The following NSL1 variants were observed in gnomAD, a reference collection of about 807,000 sequenced individuals.
NSL1 encodes the protein NSL1 component of MIS12 kinetochore complex.
NSL1 carries 11 observed loss-of-function variants against 25.4 expected under a neutral mutation model. That is an observed-to-expected ratio of 0.43 (90% CI 0.27 to 0.72). The LOEUF (loss-of-function observed/expected upper bound fraction) is 0.72, where lower values mean the gene tolerates loss of function less well. NSL1 is among the 30% of genes least tolerant of loss of function. NSL1 has a pLI of 0.19. For missense variants in NSL1, 330 were observed against 342.7 expected, an observed-to-expected ratio of 0.96 and a Z score of 0.29; for synonymous variants, 118 against 120.6, an observed-to-expected ratio of 0.98 and a Z score of 0.14.
chr1:212,738,613 T>C lies in NSL1; in HGVS notation c.641A>G (p.Gln214Arg), dbSNP rs774353745. 1 of 1,614,164 alleles carries C rather than the reference T, an allele frequency of 6.2e-7. No homozygotes were observed. ...GGAAAAGACTTCTTGGTGAATCCTC[T>C]GGAGGTGGATAACAGGCTGCATCCT... is the stretch of plus-strand genomic sequence containing the variant. ...VLRMQPVIHL[Q>R]RIHQEVFSSC... The change falls in exon 6 of 6, where the codon CAG becomes CGG. Residue 214 changes from glutamine to arginine, a missense_variant. Coordinates refer to ENST00000366977, the MANE Select transcript of NSL1 (RefSeq NM_015471.4).
chr1:212,732,027 A>AT lies in NSL1; in HGVS notation c.*6380_*6381insA. On this transcript the variant is annotated 3_prime_UTR_variant, in exon 6 of 6. Coordinates refer to ENST00000366977, the MANE Select transcript of NSL1 (RefSeq NM_015471.4). Reference sequence around the variant, plus strand: ...TTTAGCCTCCCAGTGTAACTGTCCCAATTTTTTTTTTTTTTTTTTACTGAA... The same window carrying AT: ...TTTAGCCTCCCAGTGTAACTGTCCCATATTTTTTTTTTTTTTTTTTACTGAA... 2 of 918,680 alleles carry AT rather than the reference A, an allele frequency of 2.2e-6. No individual in the cohort carries two copies. Among genetic ancestry groups the AT allele is most frequent in the Non-Finnish European group, 2.5e-6 (2 of 794,862 alleles). 56.9% of individuals were successfully genotyped at this position (918,680 alleles called of 1,614,324 possible). A position where few individuals can be genotyped will look rare whatever the true frequency, so the allele number is the denominator to read the frequency against.
chr1:212,791,598 A>C lies in NSL1; in HGVS notation c.166T>G (p.Phe56Val), dbSNP rs749368725. The change falls in exon 1 of 6, where the codon TTC becomes GTC. Residue 56 changes from phenylalanine (F) to valine (V), a missense_variant. Physicochemically the swap from Phe to Val is conservative, Grantham distance 50. Transcript: ENST00000366977. ...VTEMLQLCGR[F>V]VQKLGDALPE... Reference sequence around the variant, plus strand: ...AGAGCGTCCCCGAGCTTTTGCACGAAGCGGCCGCACAGTTGTAGCATTTCG... The same window carrying C: ...AGAGCGTCCCCGAGCTTTTGCACGACGCGGCCGCACAGTTGTAGCATTTCG... 1.3e-5 allele frequency: 21 copies of C among 1,613,750 alleles called. No individual in the cohort carries two copies. Among genetic ancestry groups the C allele is most frequent in the Non-Finnish European group, 1.8e-5 (21 of 1,180,034 alleles).
intron 4 of NSL1, chr1:212,781,942 T>C: frequency 2.5e-6 from 1 of 395,176 alleles, no homozygotes; most frequent in Admixed American, 3.0e-5. Flanking sequence ...TTATTTCTTC[T>C]TAAATTCAAT....
In NSL1 at chr1:212,729,512, G is replaced by A. The variant is rs1179166968; in HGVS notation, c.*8896C>T. ...GAGGCTCTGGAGCTGGGGTGTATGG[G>A]ACCTGGAGCAGGGGTGCCCTACAAC... On this transcript the variant is annotated 3_prime_UTR_variant, in exon 6 of 6. Coordinates refer to ENST00000366977, the MANE Select transcript of NSL1 (RefSeq NM_015471.4). 1.1e-5 allele frequency: 11 copies of A among 985,272 alleles called. No individual in the cohort carries two copies. Among genetic ancestry groups the A allele is most frequent in the African/African-American group, 3.5e-5 (2 of 57,224 alleles). The allele number at this position is 985,272 out of a possible 1,614,324, so 61.0% of individuals were successfully genotyped here. A position where few individuals can be genotyped will look rare whatever the true frequency, so the allele number is the denominator to read the frequency against.
At chr1:212,767,572 G>A (rs1463242076) in intron 4 of NSL1, among the ~76,000 whole-genome samples, 1 of 152,022 alleles carries the variant, frequency 6.6e-6, no homozygotes, top group African/African-American at 2.4e-5. Context: ...AAATAAATGG[G>A]ACCTAATTAA....
rs140675222 is a variant in NSL1, at chr1:212,733,433, C to CAAAA, written c.*4971_*4974dup. ...GGCAACACAGCAAGACCTTGTTTCACAAAAAAAAAAAAAAAAAAATCCCAT... is the reference window on the plus strand; with the variant it reads ...GGCAACACAGCAAGACCTTGTTTCACAAAAAAAAAAAAAAAAAAAAAAATCCCAT... On this transcript the variant is annotated 3_prime_UTR_variant, in exon 6 of 6. Transcript: ENST00000366977. Among the ~76,000 whole-genome samples, 1 of 135,898 alleles carries CAAAA rather than the reference C, an allele frequency of 7.4e-6. No individual in the cohort carries two copies. Among genetic ancestry groups the CAAAA allele is most frequent in the African/African-American group, 2.7e-5 (1 of 37,214 alleles). The allele number at this position is 135,898 out of a possible 152,430, so 89.2% of individuals were successfully genotyped here.
rs975714491 is a variant in NSL1, at chr1:212,730,888, A to C, written c.*7520T>G. ...ATGAATATAAATGCCACAAGCCATT[A>C]ATGTGTGAGATTGTGATCCAGGGAA... On this transcript the variant is annotated 3_prime_UTR_variant, in exon 6 of 6. Transcript: ENST00000366977. 1.0e-5 allele frequency: 10 copies of C among 985,402 alleles called. No individual in the cohort carries two copies. The highest frequency in any genetic ancestry group is 1.2e-5 in the Non-Finnish European group (10 of 829,922). 61.0% of individuals were successfully genotyped at this position (985,402 alleles called of 1,614,324 possible). A position where few individuals can be genotyped will look rare whatever the true frequency, so the allele number is the denominator to read the frequency against.
At position 212,728,868 on chromosome 1, in the gene NSL1, G is replaced by A. The variant is rs374112485; in HGVS notation, c.*9540C>T. ...TGTTTGCAGGAGGGCAAGACTGGGA[G>A]TGCTGGGGGTGGGGAGGCCAGAGTC... On this transcript the variant is annotated 3_prime_UTR_variant, in exon 6 of 6. Transcript: ENST00000366977. 1 of 985,316 alleles carries A rather than the reference G, an allele frequency of 1.0e-6. No homozygotes were observed. The highest frequency in any genetic ancestry group is 1.2e-6 in the Non-Finnish European group (1 of 829,942). The allele number at this position is 985,316 out of a possible 1,614,324, so 61.0% of individuals were successfully genotyped here.
chr1:212,788,825 A>C (rs1329610222), intron 1 of NSL1, among the ~76,000 whole-genome samples: 1 of 152,244 alleles, frequency 6.6e-6, no homozygotes, highest in African/African-American at 2.4e-5. Context: ...GACAAGCTCT[A>C]CGTAACACTA....
intron 4 of NSL1, among the ~76,000 whole-genome samples, chr1:212,763,770 C>G (rs1236910768): frequency 6.6e-6 from 1 of 152,172 alleles, no homozygotes; most frequent in Non-Finnish European, 1.5e-5. Context: ...CTGGAGCTCC[C>G]AGATTTATAA....
intron 4 of NSL1, among the ~76,000 whole-genome samples, chr1:212,767,708 TCAAA>T (rs1253942929): frequency 1.3e-5 from 2 of 151,178 alleles, no homozygotes; most frequent in Non-Finnish European, 3.0e-5. Context: ...TACAAGAAAC[TCAAA>T]CAAATCAGCA....
intron 4 of NSL1, among the ~76,000 whole-genome samples, chr1:212,771,159 C>G (rs1276989373): frequency 6.6e-6 from 1 of 151,954 alleles, no homozygotes; most frequent in Non-Finnish European, 1.5e-5. Context: ...ACTAAAAATA[C>G]AAAAATTAGC....
intron 1 of NSL1, among the ~76,000 whole-genome samples, chr1:212,790,379 T>TA (rs946318276): frequency 2.6e-5 from 4 of 151,824 alleles, no homozygotes; most frequent in Admixed American, 2.0e-4. Flanking sequence ...TAAAATAGGT[T>TA]AAAAAAAATT....
At chr1:212,778,533 C>G (rs924320087) in intron 4 of NSL1, among the ~76,000 whole-genome samples, 9 of 152,140 alleles carry the variant, frequency 5.9e-5, no homozygotes, top group African/African-American at 2.2e-4. Flanking sequence ...TGAGTGCCTG[C>G]GATTGCAGGC....
chr1:212,783,200 C>A (rs2102402645), intron 3 of NSL1, among the ~76,000 whole-genome samples: 1 of 152,194 alleles, frequency 6.6e-6, no homozygotes, highest in Middle Eastern at 3.4e-3. Flanking sequence ...GGTATCCTCA[C>A]CTTATCTATT....
intron 4 of NSL1, among the ~76,000 whole-genome samples, chr1:212,776,253 C>A (rs1442257702): frequency 3.9e-5 from 6 of 151,998 alleles, no homozygotes; most frequent in Non-Finnish European, 8.8e-5. Context: ...ATCCCAGCTA[C>A]TTGGGAGGCT....
intron 4 of NSL1, chr1:212,766,352 G>T: frequency 2.2e-6 from 1 of 449,036 alleles, no homozygotes; most frequent in East Asian, 3.4e-5. Context: ...ACAAGAGAAA[G>T]AAATGAAGAA....
chr1:212,742,218 A>G lies in NSL1; in HGVS notation c.500-2617T>C, dbSNP rs545318375. ...TCAGACCCAACTATACCAAAGACAT[A>G]ATGAAGTACTCTCAGACTTGTGCCT... On this transcript the variant is annotated intron_variant, in intron 4 of 5. Coordinates refer to ENST00000366977, the MANE Select transcript of NSL1 (RefSeq NM_015471.4). 7.9e-5 allele frequency among the ~76,000 whole-genome samples: 12 copies of G among 152,348 alleles called. No individual in the cohort carries two copies. The East Asian group carries it at 2.3e-3, about 29-fold the overall frequency.
intron 4 of NSL1, among the ~76,000 whole-genome samples, chr1:212,758,172 A>T (rs1193349164): frequency 6.6e-6 from 1 of 152,260 alleles, no homozygotes; most frequent in African/African-American, 2.4e-5. Flanking sequence ...GAAAATGTAC[A>T]TATCAAACAC....
Sources: gnomAD v4.1 joint callset for allele counts (sites outside exome capture counted in the v4.1 genomes callset) on GRCh38, gnomAD v4.1.1 for gene constraint, MANE v1.5 for transcripts, NCBI Gene and HGNC (gene_info 2026-07-23, HGNC 2026-07-21) for gene names.